The following ENOX2 variants were observed in gnomAD, a reference collection of about 807,000 sequenced individuals.
The protein encoded by ENOX2 is ecto-NOX disulfide-thiol exchanger 2, also known as APK1 antigen.
In ENOX2, 36 loss-of-function variants were observed where a neutral mutation model predicts 45.0. The ratio of observed to expected loss-of-function variants is 0.80; its 90% confidence interval spans 0.61 to 1.06. The LOEUF (loss-of-function observed/expected upper bound fraction) is 1.06. Ranked by LOEUF, ENOX2 falls within the 50% of genes least tolerant of loss-of-function variation. ENOX2 has a pLI of 0.00. For synonymous variants in ENOX2, 174 were observed against 152.3 expected, an observed-to-expected ratio of 1.14 and a Z score of -1.05; for missense variants, 423 against 462.5, an observed-to-expected ratio of 0.91 and a Z score of 0.78.
chrX:130,703,121 A>G lies in ENOX2; in HGVS notation c.96T>C (p.Pro32=). ...PLGIAGQPIL[P]DFDPALGMMT... ...GCGAGGTGATTAAAAATAACATACC[A>G]GGTAAAATTGGTTGTCCGGCAATTC... Residue 32 remains proline (P), a splice_region_variant and synonymous_variant, in exon 4 of 15, where the codon CCT becomes CCC. Transcript: ENST00000394363. The G allele has an allele frequency of 8.3e-7, 1 of 1,206,562 alleles. No individual in the cohort carries two copies. The highest frequency in any genetic ancestry group is 1.1e-6 in the Non-Finnish European group (1 of 892,774).
chrX:130,652,534 C>G (rs761605848), intron 10 of ENOX2, among the ~76,000 whole-genome samples: 2 of 112,499 alleles, frequency 1.8e-5, no homozygotes, highest in Non-Finnish European at 3.8e-5. Flanking sequence ...TGCAGTTCAT[C>G]TCATCATATT....
intron 3 of ENOX2, among the ~76,000 whole-genome samples, chrX:130,780,039 G>C (rs1422266914): frequency 8.9e-6 from 1 of 111,820 alleles, no homozygotes; most frequent in East Asian, 2.8e-4. Context: ...AGAAGAAGGG[G>C]AGCATGCTGG....
chrX:130,625,598 G>A (rs1487701002), intron 14 of ENOX2, among the ~76,000 whole-genome samples, 153 bp from the exon 15 acceptor site: 1 of 112,365 alleles, frequency 8.9e-6, no homozygotes, highest in Non-Finnish European at 1.9e-5. Context: ...GTGTGTGTTG[G>A]CAGAGTGGCT....
chrX:130,824,783 A>G (rs1186554060), intron 2 of ENOX2, among the ~76,000 whole-genome samples: 1 of 111,784 alleles, frequency 8.9e-6, no homozygotes, highest in East Asian at 2.8e-4. Context: ...GAAAGCTAAT[A>G]AACCTCACTA....
At chrX:130,658,406 G>A (rs999943508) in intron 9 of ENOX2, among the ~76,000 whole-genome samples, 4 of 111,569 alleles carry the variant, frequency 3.6e-5, no homozygotes, top group African/African-American at 1.3e-4. Flanking sequence ...AGATTACAAA[G>A]ATCTAAGATA....
chrX:130,645,336 C>A (rs141749558), intron 10 of ENOX2, among the ~76,000 whole-genome samples: 1 of 111,727 alleles, frequency 9.0e-6, no homozygotes, highest in African/African-American at 3.2e-5. Context: ...GCCGTCTCCT[C>A]AACCTTATTT....
At chrX:130,709,499 C>T (rs768228659) in intron 3 of ENOX2, among the ~76,000 whole-genome samples, 33 of 108,508 alleles carry the variant, frequency 3.0e-4, no homozygotes, top group Non-Finnish European at 5.7e-4. Context: ...ATTAGCTAGG[C>T]GTGGTGGTGT....
intron 2 of ENOX2, among the ~76,000 whole-genome samples, chrX:130,826,715 G>A (rs1411280946): frequency 8.9e-6 from 1 of 112,039 alleles, no homozygotes; most frequent in Non-Finnish European, 1.9e-5. Flanking sequence ...AGTAGCTAGA[G>A]CTCAGTGAAG....
At chrX:130,761,207 C>T (rs2039482996) in intron 3 of ENOX2, among the ~76,000 whole-genome samples, 1 of 111,524 alleles carries the variant, frequency 9.0e-6, no homozygotes, top group Admixed American at 9.5e-5. Context: ...CTTGTTCTCT[C>T]CTCTTCTATT....
At chrX:130,699,865 G>A (rs2037854069) in intron 4 of ENOX2, among the ~76,000 whole-genome samples, 1 of 112,181 alleles carries the variant, frequency 8.9e-6, no homozygotes. Context: ...ATTGTTAAAG[G>A]TAAAGATGAG....
chrX:130,785,458 A>G (rs1159120665), intron 2 of ENOX2, among the ~76,000 whole-genome samples: 1 of 111,912 alleles, frequency 8.9e-6, no homozygotes, highest in African/African-American at 3.2e-5. Context: ...CCTCCATTAA[A>G]TGTCTTCTGG....
intron 2 of ENOX2, among the ~76,000 whole-genome samples, chrX:130,867,294 GA>G (rs1172084210): frequency 9.0e-6 from 1 of 111,660 alleles, no homozygotes; most frequent in African/African-American, 3.2e-5. Context: ...GAAAATGGAA[GA>G]ACATTTGAAT....
At chrX:130,866,561 A>G (rs2078494949) in intron 2 of ENOX2, among the ~76,000 whole-genome samples, 1 of 111,752 alleles carries the variant, frequency 8.9e-6, no homozygotes, top group Admixed American at 9.5e-5. Flanking sequence ...TATGTTGGCC[A>G]CTAGAACTCT....
chrX:130,767,343 G>A (rs953083200), intron 3 of ENOX2, among the ~76,000 whole-genome samples: 1 of 111,873 alleles, frequency 8.9e-6, no homozygotes, highest in Admixed American at 9.5e-5. Flanking sequence ...CTGGCACAGA[G>A]TAGGCATATG....
At chrX:130,865,785 G>C (rs1009797825) in intron 2 of ENOX2, among the ~76,000 whole-genome samples, 5 of 111,050 alleles carry the variant, frequency 4.5e-5, no homozygotes, top group Admixed American at 9.6e-5. Context: ...CAATCTGATA[G>C]GATTCTGTTC....
At chrX:130,877,168 A>G (rs1184356317) in intron 2 of ENOX2, among the ~76,000 whole-genome samples, 3 of 111,834 alleles carry the variant, frequency 2.7e-5, no homozygotes, top group East Asian at 5.6e-4. Context: ...CACTAGAGTC[A>G]TAAGTCCCAA....
At chrX:130,715,800 T>G (rs2038315527) in intron 3 of ENOX2, among the ~76,000 whole-genome samples, 1 of 112,167 alleles carries the variant, frequency 8.9e-6, no homozygotes, top group African/African-American at 3.2e-5. Flanking sequence ...TTCATGTCTC[T>G]GTGCTTCATT....
chrX:130,783,555 G>A lies in ENOX2; in HGVS notation c.-47C>T, dbSNP rs762208255. ...ATTATCACCTAGCTTACCTGAAGGA[G>A]TATTTGTTCTCTTTCTTTTCTTGCT... On this transcript the variant is annotated 5_prime_UTR_variant, in exon 3 of 15. Transcript: ENST00000394363. 1.3e-4 allele frequency: 42 copies of A among 328,470 alleles called. No homozygotes were observed. In the East Asian group the frequency reaches 3.6e-3, roughly 28 times the overall value. 27.1% of individuals were successfully genotyped at this position (328,470 alleles called of 1,213,427 possible). A position where few individuals can be genotyped will look rare whatever the true frequency, so the allele number is the denominator to read the frequency against.
At chrX:130,706,037 T>G (rs1043838440) in intron 3 of ENOX2, among the ~76,000 whole-genome samples, 1 of 112,258 alleles carries the variant, frequency 8.9e-6, no homozygotes, top group African/African-American at 3.2e-5. Context: ...AACCACCTCA[T>G]TGGAATTAAT....
Sources: allele counts gnomAD v4.1 joint callset (sites outside exome capture counted in the v4.1 genomes callset), GRCh38; gene constraint gnomAD v4.1.1; transcripts MANE v1.5; gene names NCBI Gene and HGNC (gene_info 2026-07-23, HGNC 2026-07-21).